CFAP54: variants seen among roughly 807,000 people sequenced by gnomAD.
CFAP54 encodes cilia- and flagella-associated protein 54.
In CFAP54, 290 loss-of-function variants were observed where a neutral mutation model predicts 370.4. The ratio of observed to expected loss-of-function variants is 0.78; its 90% CI spans 0.71 to 0.86. The LOEUF is 0.86. Ranked by LOEUF, CFAP54 falls within the 40% of genes least tolerant of loss-of-function variation. The pLI, the probability that CFAP54 is intolerant of heterozygous loss-of-function variation, is 0.00. For synonymous variants in CFAP54, 1,206 were observed against 1,236.5 expected, an observed-to-expected ratio of 0.98 and a Z score of 0.52; for missense variants, 3,399 against 3,528.7, an observed-to-expected ratio of 0.96 and a Z score of 0.93.
chr12:96,711,774 C>A (rs1298036642), intron 48 of CFAP54, among the ~76,000 whole-genome samples: 1 of 152,202 alleles, frequency 6.6e-6, no homozygotes, highest in Non-Finnish European at 1.5e-5. Flanking sequence ...TCATAGAGCT[C>A]TTCACATTGG....
intron 50 of CFAP54, among the ~76,000 whole-genome samples, chr12:96,727,252 ATCTG>A (rs1957853184): frequency 1.3e-5 from 2 of 152,070 alleles, no homozygotes; most frequent in South Asian, 4.1e-4. Context: ...TGTCTCGTTG[ATCTG>A]TCTAATGTTG....
rs756615671 is a variant in CFAP54, at chr12:96,704,776, A to C, written c.6508A>C (p.Thr2170Pro). The change falls in exon 47 of 68, where the codon ACC becomes CCC. Residue 2170 changes from threonine to proline, a missense_variant. Coordinates refer to ENST00000524981, the MANE Select transcript of CFAP54 (RefSeq NM_001306084.2). The part of the protein sequence containing the change: ...FQSFDSGKLL[T>P]SKENIQAIDE... ...ATCATTTGACTCAGGAAAACTTCTT[A>C]CCAGTAAAGAAAATATACAGGTAAG... 9.2e-6 allele frequency: 11 copies of C among 1,191,968 alleles called. No individual in the cohort carries two copies. Among genetic ancestry groups the C allele is most frequent in the Middle Eastern group, 2.0e-4 (1 of 4,894 alleles). 73.8% of individuals were successfully genotyped at this position (1,191,968 alleles called of 1,614,324 possible).
chr12:96,618,721 C>T (rs978192147), intron 26 of CFAP54, among the ~76,000 whole-genome samples: 2 of 152,210 alleles, frequency 1.3e-5, no homozygotes, highest in Non-Finnish European at 2.9e-5. Flanking sequence ...CTTGAATTCA[C>T]ATGCTACCTT....
chr12:96,603,833 G>A (rs1475709237), intron 26 of CFAP54, among the ~76,000 whole-genome samples: 2 of 152,108 alleles, frequency 1.3e-5, no homozygotes, highest in African/African-American at 4.8e-5. Flanking sequence ...TCTCTACACT[G>A]TTTATTCTAG....
intron 49 of CFAP54, among the ~76,000 whole-genome samples, chr12:96,719,358 T>C (rs555397179): frequency 6.6e-6 from 1 of 152,328 alleles, no homozygotes; most frequent in East Asian, 1.9e-4. Flanking sequence ...CTAATATTTA[T>C]ATAATATTCA....
At chr12:96,805,400 C>A (rs895161593) in intron 63 of CFAP54, among the ~76,000 whole-genome samples, 5 of 150,556 alleles carry the variant, frequency 3.3e-5, no homozygotes, top group African/African-American at 1.2e-4. Context: ...GAAAAAAAAA[C>A]CATTAAAAAG....
At chr12:96,505,208 C>T (rs371706130) in intron 3 of CFAP54, among the ~76,000 whole-genome samples, 2 of 151,332 alleles carry the variant, frequency 1.3e-5, no homozygotes, top group Admixed American at 6.6e-5. Flanking sequence ...GGATTACAGG[C>T]GCATACCACC....
At chr12:96,672,750 A>G (rs1476799176) in intron 39 of CFAP54, among the ~76,000 whole-genome samples, 1 of 152,190 alleles carries the variant, frequency 6.6e-6, no homozygotes, top group Non-Finnish European at 1.5e-5. Flanking sequence ...ATAACTCAAA[A>G]TGTGATTTAT....
At position 96,663,950 on chromosome 12, in the gene CFAP54, C is replaced by G. The variant is rs1177427271; in HGVS notation, c.5563+18C>G. The G allele has an allele frequency of 1.3e-6, 2 of 1,563,272 alleles. No homozygotes were observed. Among genetic ancestry groups the G allele is most frequent in the Non-Finnish European group, 1.8e-6 (2 of 1,139,084 alleles). ...CTCTTCAGGTCAGAACCAATCTTAG[C>G]TTGAATGTTTGTTTTCTCTAAATCG... On this transcript the variant is annotated intron_variant, in intron 39 of 67. Transcript: ENST00000524981.
intron 66 of CFAP54, among the ~76,000 whole-genome samples, chr12:96,845,253 C>G (rs1387493990): frequency 6.6e-6 from 1 of 152,186 alleles, no homozygotes; most frequent in Non-Finnish European, 1.5e-5. Flanking sequence ...AAATCTCTCA[C>G]AGCTTGTATT....
intron 4 of CFAP54, among the ~76,000 whole-genome samples, chr12:96,510,963 C>CAA (rs11479059): frequency 2.1e-4 from 22 of 103,680 alleles, no homozygotes; most frequent in African/African-American, 4.2e-4. Context: ...ACTCTTATCT[C>CAA]AAAAAAAAAA....
chr12:96,642,292 C>A (rs903530190), intron 32 of CFAP54, among the ~76,000 whole-genome samples: 2 of 152,014 alleles, frequency 1.3e-5, no homozygotes, highest in Non-Finnish European at 2.9e-5. Flanking sequence ...GTACAGCCCT[C>A]GAGTCAATTG....
At chr12:96,729,496 C>A (rs562711657) in intron 50 of CFAP54, among the ~76,000 whole-genome samples, 1 of 152,318 alleles carries the variant, frequency 6.6e-6, no homozygotes, top group Non-Finnish European at 1.5e-5. Flanking sequence ...GAGCCAGGTG[C>A]GGGATATAAT....
chr12:96,815,388 C>G (rs1443577199), intron 64 of CFAP54, among the ~76,000 whole-genome samples: 6 of 129,792 alleles, frequency 4.6e-5, no homozygotes, highest in African/African-American at 1.8e-4. Flanking sequence ...TTTGCCTACT[C>G]TTTGATGGGG....
At chr12:96,658,421 G>GGCCGGGCGCGGTGGCTC in intron 38 of CFAP54, 75 bp downstream of exon 38, 2 of 1,494,152 alleles carry the variant, frequency 1.3e-6, no homozygotes, top group Non-Finnish European at 1.8e-6. Context: ...CAAAGATTTA[G>GGCCGGGCGCGGTGGCTC]AAGTCAGATA....
intron 39 of CFAP54, among the ~76,000 whole-genome samples, chr12:96,670,861 C>T (rs116412628): frequency 0.019 from 2,889 of 152,330 alleles, 106 homozygotes; most frequent in African/African-American, 0.067. Context: ...TAGCTGTTTT[C>T]TCTTCCTGAA....
intron 32 of CFAP54, among the ~76,000 whole-genome samples, chr12:96,637,269 A>G (rs1033356915): frequency 8.5e-5 from 13 of 152,194 alleles, no homozygotes; most frequent in South Asian, 4.1e-4. Flanking sequence ...GTATGGATAC[A>G]TCACATTTTG....
rs376299898 is a variant in CFAP54, at chr12:96,664,715, C to CTATATA, written c.5563+787_5563+792dup. On this transcript the variant is annotated intron_variant, in intron 39 of 67. Coordinates refer to ENST00000524981, the MANE Select transcript of CFAP54 (RefSeq NM_001306084.2). ...TATATATCTATATATATATATATAT[C>CTATATA]TATATATATCTATATATATATATCT... 7.6e-4 allele frequency among the ~76,000 whole-genome samples: 51 copies of CTATATA among 66,728 alleles called. 4 individuals carry two copies. The South Asian group carries it at 0.021, about 27-fold the overall frequency. 43.8% of individuals were successfully genotyped at this position (66,728 alleles called of 152,430 possible).
chr12:96,621,379 C>A (rs181842588), intron 26 of CFAP54, among the ~76,000 whole-genome samples: 59 of 152,162 alleles, frequency 3.9e-4, no homozygotes, highest in South Asian at 8.3e-4. Context: ...CGTTATTAGT[C>A]CTTTACTTAA....
Sources: gnomAD v4.1 joint callset for allele counts (sites outside exome capture counted in the v4.1 genomes callset) on GRCh38, gnomAD v4.1.1 for gene constraint, MANE v1.5 for transcripts, NCBI Gene and HGNC (gene_info 2026-07-23, HGNC 2026-07-21) for gene names.